The following PRKCH variants were observed in gnomAD, a reference collection of about 807,000 sequenced individuals.
PRKCH encodes the protein protein kinase C eta, also known as protein kinase C eta type.
PRKCH carries 28 observed loss-of-function variants against 82.5 expected under a neutral mutation model. That is an observed-to-expected ratio of 0.34 (90% confidence interval 0.25 to 0.47). The LOEUF is 0.47. PRKCH is among the 20% of genes least tolerant of loss of function. The pLI is 1.00. For missense variants in PRKCH, 705 were observed against 881.8 expected (o/e 0.80, Z 2.54); for synonymous variants, 322 against 327.4 (o/e 0.98, Z 0.18).
Position 61,240,587 on chromosome 14 carries a change from C to T in PRKCH, c.-19+52919C>T, listed in dbSNP as rs189585328. On this transcript the variant is annotated intron_variant, in intron 1 of 3. Transcript: ENST00000555185. ...ATGATTGCCAGTCTGGTTTTTCAAGCCTCTTTCGGTTAGAAAGGAAATGGT... is the reference window on the plus strand; with the variant it reads ...ATGATTGCCAGTCTGGTTTTTCAAGTCTCTTTCGGTTAGAAAGGAAATGGT... Among the ~76,000 whole-genome samples the T allele has an allele frequency of 1.4e-4, 21 of 152,132 alleles. 1 individual carries two copies. In the East Asian group the frequency reaches 3.9e-3, roughly 28 times the overall value.
intron 1 of PRKCH, among the ~76,000 whole-genome samples, chr14:61,270,316 TAAAAAGA>T (rs2045140373): frequency 1.3e-5 from 2 of 151,914 alleles, no homozygotes; most frequent in Non-Finnish European, 2.9e-5. Flanking sequence ...AAACATTTTT[TAAAAAGA>T]AAAAAGACAA....
chr14:61,306,232 G>C (rs569017052), intron 1 of PRKCH: 1 of 152,318 alleles, frequency 6.6e-6, no homozygotes, highest in Admixed American at 6.5e-5. Context: ...CACAGTCTAT[G>C]ATATCTTGGC....
chr14:61,398,468 T>A (rs139647605), intron 2 of PRKCH, among the ~76,000 whole-genome samples: 1 of 152,348 alleles, frequency 6.6e-6, no homozygotes, highest in Non-Finnish European at 1.5e-5. Context: ...AAATATGGTG[T>A]AAGATTTTAC....
At chr14:61,476,238 C>T (rs1356881045) in intron 9 of PRKCH, 1 of 152,186 alleles carries the variant, frequency 6.6e-6, no homozygotes, top group African/African-American at 2.4e-5. Flanking sequence ...TATGTTCACT[C>T]TTGAAGCATT....
chr14:61,507,675 A>G (rs550487182), intron 10 of PRKCH, among the ~76,000 whole-genome samples: 6 of 152,162 alleles, frequency 3.9e-5, no homozygotes, highest in Non-Finnish European at 5.9e-5. Flanking sequence ...CAGACCCAGA[A>G]AGACAGATAC....
Position 61,448,223 on chromosome 14 carries a change from T to C in PRKCH, c.614-941T>C, listed in dbSNP as rs758798652. Among the ~76,000 whole-genome samples the C allele has an allele frequency of 7.9e-5, 12 of 152,140 alleles. No individual in the cohort carries two copies. In the South Asian group the frequency reaches 1.2e-3, roughly 16 times the overall value. Reference sequence around the variant, plus strand: ...AGGTATGATGCTATTTACTGACATGTCACCTCTCTTTATGTAGTTAATCCT... The same window carrying C: ...AGGTATGATGCTATTTACTGACATGCCACCTCTCTTTATGTAGTTAATCCT... On this transcript the variant is annotated intron_variant, in intron 4 of 13. Transcript: ENST00000332981.
chr14:61,282,575 C>A (rs2045281443), intron 1 of PRKCH, among the ~76,000 whole-genome samples: 1 of 152,058 alleles, frequency 6.6e-6, no homozygotes, highest in African/African-American at 2.4e-5. Flanking sequence ...AAAAAAGGAC[C>A]TTTGACCTCA....
At chr14:61,391,138 A>T in intron 1 of PRKCH, 87 bp from the exon 2 acceptor site, 1 of 1,073,070 alleles carries the variant, frequency 9.3e-7, no homozygotes, top group East Asian at 2.7e-5. Context: ...TGATTTACAC[A>T]TTAGGCCTCT....
At chr14:61,414,221 C>A (rs1215153180) in intron 2 of PRKCH, among the ~76,000 whole-genome samples, 3 of 152,088 alleles carry the variant, frequency 2.0e-5, no homozygotes, top group Non-Finnish European at 2.9e-5. Context: ...CCCTGAGTTC[C>A]AGCTTCCTGT....
intron 1 of PRKCH, among the ~76,000 whole-genome samples, chr14:61,350,347 G>T (rs751476971): frequency 1.3e-5 from 2 of 152,248 alleles, no homozygotes; most frequent in African/African-American, 4.8e-5. Context: ...CCCTTGCCCC[G>T]CCTGTTTCTT....
chr14:61,505,395 C>CTTTTTTTTTTTTTTTTTTTTTTTTT (rs60304150), intron 10 of PRKCH, among the ~76,000 whole-genome samples: 9 of 55,764 alleles, frequency 1.6e-4, no homozygotes, highest in Admixed American at 3.0e-4. Context: ...CTTTTCTTTT[C>CTTTTTTTTTTTTTTTTTTTTTTTTT]TTTTTTTTTT....
intron 12 of PRKCH, chr14:61,544,551 G>A (rs930628790): frequency 6.6e-6 from 1 of 152,156 alleles, no homozygotes; most frequent in Non-Finnish European, 1.5e-5. Context: ...CTGAGCGTTA[G>A]ATGGCCAGCC....
rs373216774 is a variant in PRKCH, at chr14:61,384,894, AT to A, written c.364-6328del. Among the ~76,000 whole-genome samples, 223 of 152,172 alleles carry A rather than the reference AT, an allele frequency of 1.5e-3. 2 individuals are homozygous for A. The highest frequency in any genetic ancestry group is 5.3e-3 in the African/African-American group (218 of 41,452). Reference sequence around the variant, plus strand: ...TTCTTCTCTGAGCTGTTTTGAGTAAATTTAGGTGTAAGTTACAATGTATGGG... The same window carrying A: ...TTCTTCTCTGAGCTGTTTTGAGTAAATTAGGTGTAAGTTACAATGTATGGG... On this transcript the variant is annotated intron_variant, in intron 1 of 13. Transcript: ENST00000332981.
chr14:61,219,386 T>G (rs2044638340), intron 1 of PRKCH, among the ~76,000 whole-genome samples: 1 of 152,256 alleles, frequency 6.6e-6, no homozygotes, highest in Non-Finnish European at 1.5e-5. Context: ...GTTCTTTGTG[T>G]TACCTCCTTC....
rs529046089 is a variant in PRKCH, at chr14:61,471,978, A to AT, written c.1279-13516dup. On this transcript the variant is annotated intron_variant, in intron 9 of 13. Coordinates refer to ENST00000332981, the MANE Select transcript of PRKCH (RefSeq NM_006255.5). The stretch of plus-strand genomic sequence containing the variant: ...CCTTCTTTATGAAAATATAAGCGTT[A>AT]TTTTTTTTCTGAGTTTGTAGAAAGG... 4.1e-4 allele frequency among the ~76,000 whole-genome samples: 62 copies of AT among 151,984 alleles called. 2 individuals are homozygous for AT. In the East Asian group the frequency reaches 0.011, roughly 27 times the overall value.
intron 1 of PRKCH, among the ~76,000 whole-genome samples, chr14:61,389,666 A>C (rs1012166257): frequency 6.6e-6 from 1 of 150,932 alleles, no homozygotes; most frequent in African/African-American, 2.4e-5. Context: ...GTGCCACTGC[A>C]CTCCAGCCTG....
chr14:61,322,620 C>G (rs1247586221), intron 1 of PRKCH, 156 bp downstream of exon 1: 4 of 1,077,390 alleles, frequency 3.7e-6, no homozygotes, highest in Admixed American at 2.9e-5. Flanking sequence ...GCACTGGTGA[C>G]GCGACCGCGG....
chr14:61,394,381 A>G (rs1044932712), intron 2 of PRKCH, among the ~76,000 whole-genome samples: 1 of 152,148 alleles, frequency 6.6e-6, no homozygotes, highest in Non-Finnish European at 1.5e-5. Flanking sequence ...TTCCTAGCCT[A>G]GTCAAATAAA....
At chr14:61,431,016 A>C (rs1883366860) in intron 2 of PRKCH, among the ~76,000 whole-genome samples, 1 of 152,166 alleles carries the variant, frequency 6.6e-6, no homozygotes, top group African/African-American at 2.4e-5. Context: ...GGCCTCCCAA[A>C]ATGCTGGGAT....
Sources: gnomAD v4.1 joint callset for allele counts (sites outside exome capture counted in the v4.1 genomes callset) on GRCh38, gnomAD v4.1.1 for gene constraint, MANE v1.5 for transcripts, NCBI Gene and HGNC (gene_info 2026-07-23, HGNC 2026-07-21) for gene names.